Variants in MACROD2 observed in about 807,000 individuals in gnomAD.
The protein encoded by MACROD2 is mono-ADP ribosylhydrolase 2, also known as ADP-ribose glycohydrolase MACROD2.
Under a neutral mutation model 70.4 loss-of-function variants are expected in MACROD2, and 36 were observed. The ratio of observed to expected loss-of-function variants is 0.51; its 90% CI spans 0.39 to 0.68. MACROD2 has a LOEUF of 0.68. Among genes scored for constraint, MACROD2 ranks in the 30% least tolerant of loss-of-function variants. The probability of loss-of-function intolerance (pLI) is 0.00; values close to 1 mark genes in which losing one functional copy is unlikely to be tolerated. For missense variants in MACROD2, 496 were observed against 538.4 expected, an observed-to-expected ratio of 0.92 and a Z score of 0.78; for synonymous variants, 172 against 178.8, an observed-to-expected ratio of 0.96 and a Z score of 0.30.
At chr20:15,278,570 C>T (rs750950084) in intron 6 of MACROD2, among the ~76,000 whole-genome samples, 10 of 152,162 alleles carry the variant, frequency 6.6e-5, no homozygotes, top group Non-Finnish European at 1.2e-4. Flanking sequence ...TAGAAGTCAA[C>T]GTACACATGA....
At chr20:15,621,206 T>C (rs1055232513) in intron 8 of MACROD2, among the ~76,000 whole-genome samples, 2 of 152,224 alleles carry the variant, frequency 1.3e-5, no homozygotes, top group African/African-American at 4.8e-5. Context: ...TTTGCTCTCA[T>C]TGAGTCATGT....
intron 8 of MACROD2, among the ~76,000 whole-genome samples, chr20:15,544,604 A>G (rs945089385): frequency 3.9e-5 from 6 of 152,208 alleles, no homozygotes; most frequent in Admixed American, 1.3e-4. Context: ...ACATCCATAC[A>G]GTGCTGGAGG....
At chr20:14,833,273 C>T (rs1389374911) in intron 5 of MACROD2, among the ~76,000 whole-genome samples, 1 of 152,054 alleles carries the variant, frequency 6.6e-6, no homozygotes, top group African/African-American at 2.4e-5. Context: ...TCCAACCTGC[C>T]CTGCAAGGGG....
At chr20:15,881,557 G>A (rs1288978278) in intron 9 of MACROD2, among the ~76,000 whole-genome samples, 4 of 152,130 alleles carry the variant, frequency 2.6e-5, no homozygotes, top group Admixed American at 2.0e-4. Flanking sequence ...TTAGGTTCTA[G>A]AATAGTGAAG....
intron 3 of MACROD2, among the ~76,000 whole-genome samples, chr20:14,311,029 G>A (rs2082562748): frequency 6.6e-6 from 1 of 152,130 alleles, no homozygotes. Flanking sequence ...AGTGAGCTAA[G>A]GTTAATTTAT....
At chr20:14,450,855 A>G (rs2084237551) in intron 3 of MACROD2, among the ~76,000 whole-genome samples, 1 of 152,102 alleles carries the variant, frequency 6.6e-6, no homozygotes. Flanking sequence ...GCAGAAACAC[A>G]GAAACAGGAA....
In MACROD2 at chr20:15,021,284, C is replaced by G. The variant is rs141334601; in HGVS notation, c.419-208656C>G. Reference sequence around the variant, plus strand: ...CACCTGTGTGTGTGTATACGCACACCTGTGTGTGTGTATATGCACATATAC... The same window carrying G: ...CACCTGTGTGTGTGTATACGCACACGTGTGTGTGTGTATATGCACATATAC... On this transcript the variant is annotated intron_variant, in intron 5 of 17. Transcript: ENST00000684519. Among the ~76,000 whole-genome samples the G allele has an allele frequency of 7.8e-4, 77 of 98,424 alleles. 7 individuals carry two copies. The highest frequency in any genetic ancestry group is 1.1e-3 in the Non-Finnish European group (50 of 44,026). 64.6% of individuals were successfully genotyped at this position (98,424 alleles called of 152,430 possible).
In MACROD2 at chr20:15,797,687, C is replaced by G. The variant is rs181042022; in HGVS notation, c.646-65058C>G. On this transcript the variant is annotated intron_variant, in intron 8 of 17. Transcript: ENST00000684519. ...GAGTAGACTAATCATAATCTACCAA[C>G]TAAGGGTTGGGATGTTGCAGCCTTA... is the stretch of plus-strand genomic sequence containing the variant. Among the ~76,000 whole-genome samples the G allele has an allele frequency of 2.6e-5, 4 of 152,310 alleles. No homozygotes were observed. The East Asian group carries it at 7.7e-4, about 29-fold the overall frequency.
chr20:14,374,908 G>A (rs762905775), intron 3 of MACROD2, among the ~76,000 whole-genome samples: 5 of 151,994 alleles, frequency 3.3e-5, no homozygotes, highest in Admixed American at 6.6e-5. Context: ...GGTAGTATGC[G>A]CTTTAAACAG....
intron 6 of MACROD2, among the ~76,000 whole-genome samples, chr20:15,330,506 T>C (rs1017583187): frequency 6.7e-6 from 1 of 149,228 alleles, no homozygotes; most frequent in Non-Finnish European, 1.5e-5. Flanking sequence ...TGGTTGGGCA[T>C]GTAGAGGAGG....
At chr20:14,514,251 C>T (rs539151968) in intron 4 of MACROD2, among the ~76,000 whole-genome samples, 9 of 152,246 alleles carry the variant, frequency 5.9e-5, no homozygotes, top group African/African-American at 1.7e-4. Flanking sequence ...AGAGAATTAT[C>T]GCCAAGAAGC....
At chr20:14,187,223 A>G (rs1478776452) in intron 3 of MACROD2, among the ~76,000 whole-genome samples, 2 of 152,084 alleles carry the variant, frequency 1.3e-5, no homozygotes, top group Non-Finnish European at 2.9e-5. Flanking sequence ...TACAATGTAA[A>G]TTGACCATAA....
intron 13 of MACROD2, among the ~76,000 whole-genome samples, chr20:15,974,858 CAT>C (rs1485477938): frequency 6.6e-6 from 1 of 151,900 alleles, no homozygotes; most frequent in Non-Finnish European, 1.5e-5. Context: ...CAGGCATACA[CAT>C]ATCTGTAATG....
At chr20:15,698,665 C>A (rs6043458) in intron 8 of MACROD2, among the ~76,000 whole-genome samples, 4 of 152,082 alleles carry the variant, frequency 2.6e-5, no homozygotes, top group Non-Finnish European at 5.9e-5. Flanking sequence ...CCCCCAAATA[C>A]GTTTTCCAAG....
chr20:15,052,990 C>T (rs1308393038), intron 5 of MACROD2, among the ~76,000 whole-genome samples: 1 of 152,216 alleles, frequency 6.6e-6, no homozygotes, highest in Non-Finnish European at 1.5e-5. Context: ...AAACCAGGCA[C>T]ATTTCCTTAA....
In MACROD2 at chr20:14,464,450, G is replaced by A. The variant is rs866341365; in HGVS notation, c.272-29029G>A. On this transcript the variant is annotated intron_variant, in intron 3 of 17. Transcript: ENST00000684519. Reference sequence around the variant, plus strand: ...TTTCTTCTTTATGAGTCTTGCTAGCGGTCTATCAATTTTGTTGATCTTTTC... The same window carrying A: ...TTTCTTCTTTATGAGTCTTGCTAGCAGTCTATCAATTTTGTTGATCTTTTC... Among the ~76,000 whole-genome samples, 204 of 151,806 alleles carry A rather than the reference G, an allele frequency of 1.3e-3. 3 individuals are homozygous for A. The highest frequency in any genetic ancestry group is 3.7e-3 in the African/African-American group (154 of 41,336).
chr20:14,567,851 C>A (rs1979912020), intron 4 of MACROD2, among the ~76,000 whole-genome samples: 1 of 151,994 alleles, frequency 6.6e-6, no homozygotes, highest in Admixed American at 6.6e-5. Flanking sequence ...ACTTCTAATT[C>A]TATCTGTTAA....
chr20:15,094,594 ATTTG>A (rs1037929371), intron 5 of MACROD2, among the ~76,000 whole-genome samples: 14 of 151,978 alleles, frequency 9.2e-5, no homozygotes, highest in Non-Finnish European at 1.8e-4. Flanking sequence ...TGAAGTTTTT[ATTTG>A]TTTGTTTTTG....
intron 6 of MACROD2, among the ~76,000 whole-genome samples, chr20:15,324,859 A>G (rs1046426839): frequency 6.6e-6 from 1 of 152,202 alleles, no homozygotes; most frequent in Non-Finnish European, 1.5e-5. Context: ...GGTAAGTCTT[A>G]TTACACTCTG....
Sources: gnomAD v4.1 joint callset for allele counts (sites outside exome capture counted in the v4.1 genomes callset) on GRCh38, gnomAD v4.1.1 for gene constraint, MANE v1.5 for transcripts, NCBI Gene and HGNC (gene_info 2026-07-23, HGNC 2026-07-21) for gene names.